Variants in SCAF8 observed in about 807,000 individuals in gnomAD.
The protein encoded by SCAF8 is SR-related and CTD-associated factor 8.
Under a neutral mutation model 140.5 loss-of-function variants are expected in SCAF8, and 23 were observed. The observed-to-expected ratio is 0.16, with a 90% CI of 0.12 to 0.23. SCAF8 has a LOEUF of 0.23. Ranked by LOEUF, SCAF8 falls within the 10% of genes least tolerant of loss-of-function variation. SCAF8 has a pLI of 1.00. For missense variants in SCAF8, 1,397 were observed against 1,555.7 expected (o/e 0.90, Z 1.72); for synonymous variants, 575 against 528.9 (o/e 1.09, Z -1.20).
intron 1 of SCAF8, among the ~76,000 whole-genome samples, chr6:154,758,913 G>A (rs908879225): frequency 2.0e-5 from 3 of 152,116 alleles, no homozygotes; most frequent in African/African-American, 7.2e-5. Context: ...TGGCTGAATG[G>A]GGTTTCTCCT....
chr6:154,776,607 A>G (rs1449972998), intron 2 of SCAF8, among the ~76,000 whole-genome samples: 1 of 152,138 alleles, frequency 6.6e-6, no homozygotes, highest in African/African-American at 2.4e-5. Context: ...TATTTTGCAT[A>G]TTGATTTTTA....
intron 1 of SCAF8, among the ~76,000 whole-genome samples, chr6:154,734,472 G>A (rs142272021): frequency 1.3e-5 from 2 of 152,294 alleles, no homozygotes; most frequent in African/African-American, 2.4e-5. Flanking sequence ...AGGGACTTGA[G>A]CTAATTGGAT....
chr6:154,824,476 CCTTAG>C, intron 17 of SCAF8, 98 bp downstream of exon 17: 11 of 1,093,778 alleles, frequency 1.0e-5, no homozygotes, highest in Non-Finnish European at 1.5e-5. Context: ...GGTTCTGAGA[CCTTAG>C]CATGCATAGC....
intron 2 of SCAF8, 81 bp downstream of exon 2, chr6:154,774,153 AT>A: frequency 1.1e-6 from 1 of 938,682 alleles, no homozygotes; most frequent in Non-Finnish European, 1.7e-6. Flanking sequence ...TTTTTTATGG[AT>A]TATATGTTCT....
Position 154,815,730 on chromosome 6 carries a change from C to G in SCAF8, c.1435C>G (p.Leu479Val). ...TGTCTTGACAGTATGTAGTACTACTCTCTGGGTTGGGCAAGTGGACAAGAA... is the reference window on the plus strand; with the variant it reads ...TGTCTTGACAGTATGTAGTACTACTGTCTGGGTTGGGCAAGTGGACAAGAA... ...SKTLSVCSTTLWVGQVDKKAT... is the reference protein window; with the variant it reads ...SKTLSVCSTTVWVGQVDKKAT... Residue 479 changes from leucine to valine, a missense_variant, in exon 13 of 20, where the codon CTC (leucine) becomes GTC (valine). This residue lies in a region of SCAF8 where 339 missense variants were observed against 407.5 expected (regional missense o/e 0.83). Coordinates refer to ENST00000367178, the MANE Select transcript of SCAF8 (RefSeq NM_014892.5). The G allele has an allele frequency of 6.2e-7, 1 of 1,609,408 alleles. No homozygotes were observed. Among genetic ancestry groups the G allele is most frequent in the Non-Finnish European group, 8.5e-7 (1 of 1,176,078 alleles).
Position 154,777,958 on chromosome 6 carries a change from C to T in SCAF8, c.115-43C>T, listed in dbSNP as rs368772110. ...GGTTAGCAGGAAATTTCAATCTCCT[C>T]AAACTGATTTTAAAACCATACTTCA... On this transcript the variant is annotated intron_variant, in intron 2 of 19. Transcript: ENST00000367178. 75 of 1,275,626 alleles carry T rather than the reference C, an allele frequency of 5.9e-5. 1 individual carries two copies. The African/African-American group carries it at 9.9e-4, about 17-fold the overall frequency. 79.0% of individuals were successfully genotyped at this position (1,275,626 alleles called of 1,614,324 possible). A position where few individuals can be genotyped will look rare whatever the true frequency, so the allele number is the denominator to read the frequency against.
At chr6:154,796,331 A>G (rs1358324255) in intron 6 of SCAF8, among the ~76,000 whole-genome samples, 1 of 140,624 alleles carries the variant, frequency 7.1e-6, no homozygotes, top group Non-Finnish European at 1.5e-5. Context: ...CTTCATTATA[A>G]TGATTCAGCA....
At chr6:154,794,402 T>C (rs2114882834) in intron 5 of SCAF8, among the ~76,000 whole-genome samples, 1 of 152,292 alleles carries the variant, frequency 6.6e-6, no homozygotes, top group Non-Finnish European at 1.5e-5. Flanking sequence ...CAGTTTTGCT[T>C]TCCATGATTC....
rs563813377 is a variant in SCAF8, at chr6:154,774,144, T to A, written c.114+72T>A. 3.0e-5 allele frequency: 29 copies of A among 978,264 alleles called. No individual in the cohort carries two copies. In the Admixed American group the frequency reaches 3.2e-4, roughly 11 times the overall value. 60.6% of individuals were successfully genotyped at this position (978,264 alleles called of 1,614,324 possible). A position where few individuals can be genotyped will look rare whatever the true frequency, so the allele number is the denominator to read the frequency against. ...TTAATAGTTTGGATGGGGGATAATT[T>A]TTTTATGGATTATATGTTCTTTTTC... On this transcript the variant is annotated intron_variant, in intron 2 of 19. Transcript: ENST00000367178.
intron 6 of SCAF8, among the ~76,000 whole-genome samples, chr6:154,801,580 G>A (rs1459691161): frequency 6.6e-6 from 1 of 151,358 alleles, no homozygotes; most frequent in Admixed American, 6.6e-5. Flanking sequence ...CAACTTTCAG[G>A]AAGTACGTGC....
In SCAF8 at chr6:154,763,310, T is replaced by C. The variant is rs578081079; in HGVS notation, c.31-10679T>C. ...AAGATTGTGTTGGCTGCAGAAACTTTCATGAAGTTTCTGATTTCTTTGAAG... is the reference window on the plus strand; with the variant it reads ...AAGATTGTGTTGGCTGCAGAAACTTCCATGAAGTTTCTGATTTCTTTGAAG... On this transcript the variant is annotated intron_variant, in intron 1 of 19. Coordinates refer to ENST00000367178, the MANE Select transcript of SCAF8 (RefSeq NM_014892.5). Among the ~76,000 whole-genome samples the C allele has an allele frequency of 6.2e-3, 944 of 152,314 alleles. 13 individuals are homozygous for C. The highest frequency in any genetic ancestry group is 0.022 in the African/African-American group (905 of 41,564).
intron 18 of SCAF8, among the ~76,000 whole-genome samples, chr6:154,829,855 C>A (rs939815856): frequency 2.0e-5 from 3 of 152,062 alleles, no homozygotes; most frequent in Non-Finnish European, 2.9e-5. Flanking sequence ...TGCAGTGAGC[C>A]GAGATCACGC....
rs114317783 is a variant in SCAF8 at position 154,818,783 on chromosome 6, G to A, written c.1635+191G>A. 3.7e-3 allele frequency among the ~76,000 whole-genome samples: 556 copies of A among 152,218 alleles called. 5 individuals are homozygous for A. Among genetic ancestry groups the A allele is most frequent in the African/African-American group, 0.013 (530 of 41,532 alleles). ...GAAACTTATTGTTTCAGTTCGTTGA[G>A]TTATAGAATTAGATGTAGGTAAAAA... On this transcript the variant is annotated intron_variant, in intron 14 of 19. Coordinates refer to ENST00000367178, the MANE Select transcript of SCAF8 (RefSeq NM_014892.5).
At chr6:154,774,868 C>T (rs1046678020) in intron 2 of SCAF8, among the ~76,000 whole-genome samples, 3 of 152,206 alleles carry the variant, frequency 2.0e-5, no homozygotes, top group African/African-American at 7.2e-5. Context: ...TTTTCAAGCT[C>T]AGCCATAGAT....
rs929064430 is a variant in SCAF8 at position 154,787,805 on chromosome 6, A to G, written c.160-56A>G. 14 of 1,459,244 alleles carry G rather than the reference A, an allele frequency of 9.6e-6. No individual in the cohort carries two copies. In the African/African-American group the frequency reaches 1.7e-4, roughly 18 times the overall value. 90.4% of individuals were successfully genotyped at this position (1,459,244 alleles called of 1,614,324 possible). ...ACAGGATTTTTGATGATTTTTGTCT[A>G]TCAAGAATTTTACCTTTCCGTTTCC... On this transcript the variant is annotated intron_variant, in intron 3 of 19. Coordinates refer to ENST00000367178, the MANE Select transcript of SCAF8 (RefSeq NM_014892.5).
At chr6:154,793,454 A>ATTTTTTTTC in intron 5 of SCAF8, among the ~76,000 whole-genome samples, 1 of 151,538 alleles carries the variant, frequency 6.6e-6, no homozygotes, top group East Asian at 1.9e-4. Flanking sequence ...TTTATGAAAA[A>ATTTTTTTTC]ATTTTTTTCA....
chr6:154,805,386 C>G lies in SCAF8; in HGVS notation c.881C>G (p.Ser294Cys). Reference protein sequence around the residue: ...PASQLSHVSESVNNSIFHQIA... With the variant: ...PASQLSHVSECVNNSIFHQIA... ...CCTTTTAGTTCTCACGTTTCAGAAT[C>G]TGTGAACAATTCCATTTTTCATCAG... Residue 294 changes from serine to cysteine, a missense_variant, in exon 9 of 20, where the codon TCT (serine) becomes TGT (cysteine). Physicochemically the swap from Ser to Cys is moderately radical, Grantham distance 112 (BLOSUM62 -1). This residue lies in a region of SCAF8 where 339 missense variants were observed against 407.5 expected (regional missense o/e 0.83). Coordinates refer to ENST00000367178, the MANE Select transcript of SCAF8 (RefSeq NM_014892.5). 1 of 1,607,492 alleles carries G rather than the reference C, an allele frequency of 6.2e-7. No individual in the cohort carries two copies. Among genetic ancestry groups the G allele is most frequent in the South Asian group, 1.1e-5 (1 of 90,694 alleles).
intron 2 of SCAF8, among the ~76,000 whole-genome samples, chr6:154,777,064 C>G (rs887141744): frequency 6.6e-6 from 1 of 152,020 alleles, no homozygotes; most frequent in Non-Finnish European, 1.5e-5. Flanking sequence ...ATCTGTAGTC[C>G]CAGCTACTTG....
intron 3 of SCAF8, among the ~76,000 whole-genome samples, chr6:154,779,758 GGTGTGTGTGT>G (rs199543298): frequency 1.2e-4 from 18 of 147,506 alleles, no homozygotes; most frequent in African/African-American, 4.5e-4. Context: ...GTTAAAATAA[GGTGTGTGTGT>G]GTGTGTGTGT....
Sources: gnomAD v4.1 joint callset for allele counts (sites outside exome capture counted in the v4.1 genomes callset) on GRCh38, gnomAD v4.1.1 for gene constraint, gnomAD v4.1.1 regional missense constraint, MANE v1.5 for transcripts, NCBI Gene and HGNC (gene_info 2026-07-23, HGNC 2026-07-21) for gene names.